Variants in WDR26 observed in about 807,000 individuals in gnomAD.
WDR26 encodes the protein WD repeat-containing protein 26.
WDR26 carries 5 observed loss-of-function variants against 84.1 expected under a neutral mutation model. The ratio of observed to expected loss-of-function variants is 0.06; its 90% CI spans 0.03 to 0.13. The LOEUF is 0.13. WDR26 is among the 10% of genes least tolerant of loss of function. WDR26 has a pLI of 1.00. For missense variants in WDR26, 642 were observed against 974.9 expected (o/e 0.66, Z 4.55); for synonymous variants, 415 against 389.6 (o/e 1.07, Z -0.77).
chr1:224,424,802 GT>G, intron 3 of WDR26, 148 bp from the exon 4 acceptor site: 2 of 935,600 alleles, frequency 2.1e-6, no homozygotes, highest in Non-Finnish European at 3.2e-6. Flanking sequence ...AAATATTTTA[GT>G]TTAGTAGAGC....
At chr1:224,404,734 A>T (rs1673507454) in intron 7 of WDR26, among the ~76,000 whole-genome samples, 164 bp from the exon 8 acceptor site, 1 of 152,228 alleles carries the variant, frequency 6.6e-6, no homozygotes, top group Non-Finnish European at 1.5e-5. Context: ...ACTCATTCAC[A>T]TTGCAACATC....
rs1157586259 is a variant in WDR26 at position 224,431,514 on chromosome 1, G to A, written c.890C>T (p.Ala297Val). Residue 297 changes from alanine to valine, a missense_variant, in exon 3 of 14, where the codon GCA becomes GTA. Transcript: ENST00000414423. ...CAACAACGTTTGAGAGATTTCAAGT[G>A]CGCCTCTTACCACAATAGCATGAGG... is the stretch of plus-strand genomic sequence containing the variant. 1.2e-6 allele frequency: 2 copies of A among 1,613,890 alleles called. No homozygotes were observed. The highest frequency in any genetic ancestry group is 2.7e-5 in the African/African-American group (2 of 74,878).
At chr1:224,430,428 G>C (rs768451549) in intron 3 of WDR26, 1 of 151,800 alleles carries the variant, frequency 6.6e-6, no homozygotes, top group Non-Finnish European at 1.5e-5. Flanking sequence ...TAATTCACCT[G>C]AAGCCCATTT....
chr1:224,387,529 C>A lies in WDR26; in HGVS notation c.*2306G>T, dbSNP rs895069010. 3 of 152,508 alleles carry A rather than the reference C, an allele frequency of 2.0e-5. No homozygotes were observed. Among genetic ancestry groups the A allele is most frequent in the African/African-American group, 7.2e-5 (3 of 41,398 alleles). The allele number at this position is 152,508 out of a possible 1,614,324, so 9.4% of individuals were successfully genotyped here. ...TTGTAAAATGTGCCTCACTTTTACTCCACTTTTTAAAAAGTGTTTTTAAAC... is the reference window on the plus strand; with the variant it reads ...TTGTAAAATGTGCCTCACTTTTACTACACTTTTTAAAAAGTGTTTTTAAAC... On this transcript the variant is annotated 3_prime_UTR_variant, in exon 14 of 14. Coordinates refer to ENST00000414423, the MANE Select transcript of WDR26 (RefSeq NM_001379403.1).
chr1:224,387,741 G>A lies in WDR26; in HGVS notation c.*2094C>T, dbSNP rs889573260. 2.6e-5 allele frequency: 4 copies of A among 152,586 alleles called. 1 individual carries two copies. Among genetic ancestry groups the A allele is most frequent in the Non-Finnish European group, 5.9e-5 (4 of 68,034 alleles). 9.5% of individuals were successfully genotyped at this position (152,586 alleles called of 1,614,324 possible). A position where few individuals can be genotyped will look rare whatever the true frequency, so the allele number is the denominator to read the frequency against. On this transcript the variant is annotated 3_prime_UTR_variant, in exon 14 of 14. Transcript: ENST00000414423. ...GCCCACATTTAGTGATGTTACCATA[G>A]AGACTGGGGTGTATTAACGGCTTCA...
chr1:224,431,568 A>C lies in WDR26; in HGVS notation c.836T>G (p.Leu279Arg). 1 of 1,613,652 alleles carries C rather than the reference A, an allele frequency of 6.2e-7. No homozygotes were observed. Residue 279 changes from leucine (L) to arginine (R), a missense_variant, in exon 3 of 14, where the codon CTG (leucine) becomes CGG (arginine). Transcript: ENST00000414423. ...ATGCACTAAAGGCTTTAGTTCATTC[A>C]GGTCATTTTCTGCCTGTAAAAATTG...
rs759010709 is a variant in WDR26 at position 224,419,625 on chromosome 1, C to T, written c.1065-10G>A. ...GCTACACATCAGATACCTAAAAATA[C>T]AACAGAGAAAGCAACCAATATTAAA... On this transcript the variant is annotated splice_polypyrimidine_tract_variant and intron_variant, in intron 4 of 13. Coordinates refer to ENST00000414423, the MANE Select transcript of WDR26 (RefSeq NM_001379403.1). 1.2e-6 allele frequency: 2 copies of T among 1,605,666 alleles called. No homozygotes were observed. The highest frequency in any genetic ancestry group is 1.7e-5 in the Admixed American group (1 of 59,992).
At position 224,385,518 on chromosome 1, in the gene WDR26, A is replaced by T. The variant is rs555878007; in HGVS notation, c.*4317T>A. 3.3e-5 allele frequency: 5 copies of T among 152,798 alleles called. No homozygotes were observed. The highest frequency in any genetic ancestry group is 2.6e-4 in the Admixed American group (4 of 15,306). 9.5% of individuals were successfully genotyped at this position (152,798 alleles called of 1,614,324 possible). A position where few individuals can be genotyped will look rare whatever the true frequency, so the allele number is the denominator to read the frequency against. ...AAGAACACAATCTTTTGAAACATTT[A>T]ATCAGTCCATAGCAAATAGTTATTA... On this transcript the variant is annotated 3_prime_UTR_variant, in exon 14 of 14. Coordinates refer to ENST00000414423, the MANE Select transcript of WDR26 (RefSeq NM_001379403.1).
intron 5 of WDR26, 145 bp downstream of exon 5, chr1:224,419,373 C>CA (rs1673991737): frequency 3.0e-6 from 2 of 657,438 alleles, no homozygotes; most frequent in South Asian, 3.7e-5. Flanking sequence ...GACTCCATGA[C>CA]AGAGTCTGAA....
chr1:224,392,950 TTA>T (rs1377849813), intron 13 of WDR26, among the ~76,000 whole-genome samples: 1 of 152,168 alleles, frequency 6.6e-6, no homozygotes, highest in African/African-American at 2.4e-5. Flanking sequence ...AAAAATCTGT[TTA>T]TATATAAACT....
chr1:224,433,876 T>C lies in WDR26; in HGVS notation c.530A>G (p.Asn177Ser), dbSNP rs1424451434. The C allele has an allele frequency of 1.3e-6, 2 of 1,536,936 alleles. No individual in the cohort carries two copies. Among genetic ancestry groups the C allele is most frequent in the Non-Finnish European group, 1.7e-6 (2 of 1,146,776 alleles). Residue 177 changes from asparagine (N) to serine (S), a missense_variant, in exon 1 of 14, where the codon AAT becomes AGT. By Grantham distance (46) the Asn-to-Ser change is conservative. This residue lies in a region of WDR26 where 291 missense variants were observed against 302.1 expected (regional missense o/e 0.96). Transcript: ENST00000414423. ...GGCCGCCCCGCCGGGAACCCCGTTA[T>C]TGACATTCAGGCTGTTGCTATTGTT...
chr1:224,418,000 G>C (rs1207642030), intron 6 of WDR26, among the ~76,000 whole-genome samples: 1 of 152,148 alleles, frequency 6.6e-6, no homozygotes, highest in Non-Finnish European at 1.5e-5. Flanking sequence ...TAGTTAAATT[G>C]TCAGACACAG....
At position 224,385,406 on chromosome 1, in the gene WDR26, TTAATGAA is replaced by T. The variant is rs1190572566; in HGVS notation, c.*4422_*4428del. ...ATCAGAGACCTGAAGTTTTTATACT[TTAATGAA>T]TAAAGCAAAGAAATTTAAACTAAGT... is the stretch of plus-strand genomic sequence containing the variant. On this transcript the variant is annotated 3_prime_UTR_variant, in exon 14 of 14. Coordinates refer to ENST00000414423, the MANE Select transcript of WDR26 (RefSeq NM_001379403.1). The T allele has an allele frequency of 6.6e-6, 1 of 152,382 alleles. No individual in the cohort carries two copies. Among genetic ancestry groups the T allele is most frequent in the Non-Finnish European group, 1.5e-5 (1 of 68,044 alleles). The allele number at this position is 152,382 out of a possible 1,614,324, so 9.4% of individuals were successfully genotyped here.
intron 12 of WDR26, among the ~76,000 whole-genome samples, chr1:224,396,104 C>T (rs1457894595): frequency 6.6e-6 from 1 of 152,162 alleles, no homozygotes; most frequent in Admixed American, 6.6e-5. Context: ...ATGTTCAAAA[C>T]ATTTTCAAAA....
Position 224,385,547 on chromosome 1 carries a change from A to G in WDR26, c.*4288T>C, listed in dbSNP as rs1346978265. ...AGTCCATAGCAAATAGTTATTACATACCAAAAGCTCTAAGTGTTAACTAGT... is the reference window on the plus strand; with the variant it reads ...AGTCCATAGCAAATAGTTATTACATGCCAAAAGCTCTAAGTGTTAACTAGT... On this transcript the variant is annotated 3_prime_UTR_variant, in exon 14 of 14. Transcript: ENST00000414423. 17 of 152,694 alleles carry G rather than the reference A, an allele frequency of 1.1e-4. No individual in the cohort carries two copies. Among genetic ancestry groups the G allele is most frequent in the Admixed American group, 1.1e-3 (17 of 15,282 alleles). The allele number at this position is 152,694 out of a possible 1,614,324, so 9.5% of individuals were successfully genotyped here.
rs887364172 is a variant in WDR26 at position 224,411,408 on chromosome 1, C to T, written c.1458+19G>A. On this transcript the variant is annotated intron_variant, in intron 7 of 13. Coordinates refer to ENST00000414423, the MANE Select transcript of WDR26 (RefSeq NM_001379403.1). ...ATTATCCCCTTTTGTAATATAAACA[C>T]TCATATTGGGGTACATACCGGATCA... 97 of 1,589,740 alleles carry T rather than the reference C, an allele frequency of 6.1e-5. No individual in the cohort carries two copies. The highest frequency in any genetic ancestry group is 7.9e-5 in the Non-Finnish European group (93 of 1,170,766).
chr1:224,432,109 C>A (rs1000193589), intron 1 of WDR26, among the ~76,000 whole-genome samples: 2 of 152,150 alleles, frequency 1.3e-5, no homozygotes, highest in African/African-American at 4.8e-5. Context: ...AAACCAGAAT[C>A]AACATACTAC....
chr1:224,399,626 C>T (rs1558419357), intron 9 of WDR26, among the ~76,000 whole-genome samples: 2 of 152,152 alleles, frequency 1.3e-5, no homozygotes. Context: ...TGGCTTAACA[C>T]AGTATAGGAC....
chr1:224,407,122 TAAAAAAAAAAAAA>T (rs1158264938), intron 7 of WDR26, among the ~76,000 whole-genome samples: 9 of 11,682 alleles, frequency 7.7e-4, no homozygotes, highest in African/African-American at 1.4e-3. Flanking sequence ...ACTCTGTCTT[TAAAAAAAAAAAAA>T]AAAAAAAAAA....
Sources: gnomAD v4.1 joint callset for allele counts (sites outside exome capture counted in the v4.1 genomes callset) on GRCh38, gnomAD v4.1.1 for gene constraint, gnomAD v4.1.1 regional missense constraint, MANE v1.5 for transcripts, NCBI Gene and HGNC (gene_info 2026-07-23, HGNC 2026-07-21) for gene names.